Variants in PDE1A observed in about 807,000 individuals in gnomAD.
PDE1A encodes dual specificity calcium/calmodulin-dependent 3',5'-cyclic nucleotide phosphodiesterase 1A.
A neutral mutation model predicts 61.7 loss-of-function variants in PDE1A; 35 were observed. The observed-to-expected ratio is 0.57, with a 90% CI of 0.43 to 0.75. The LOEUF is 0.75. Among genes scored for constraint, PDE1A ranks in the 30% least tolerant of loss-of-function variants. PDE1A has a pLI of 0.00. For missense variants in PDE1A, 597 were observed against 630.6 expected, an observed-to-expected ratio of 0.95 and a Z score of 0.57; for synonymous variants, 232 against 213.2, an observed-to-expected ratio of 1.09 and a Z score of -0.77.
At position 182,341,646 on chromosome 2, in the gene PDE1A, T is replaced by C. The variant is rs548378476; in HGVS notation, c.54-77232A>G. Among the ~76,000 whole-genome samples the C allele has an allele frequency of 2.0e-5, 3 of 152,318 alleles. No individual in the cohort carries two copies. The East Asian group carries it at 5.8e-4, about 29-fold the overall frequency. ...AAGCTCTTACTTATGAAATTTTCTTTGTAACTTCACTGAGTGAGCAATTGA... is the reference window on the plus strand; with the variant it reads ...AAGCTCTTACTTATGAAATTTTCTTCGTAACTTCACTGAGTGAGCAATTGA... On this transcript the variant is annotated intron_variant, in intron 1 of 13. Coordinates refer to ENST00000351439, the Ensembl canonical transcript of PDE1A.
the PDE1A span, among the ~76,000 whole-genome samples, chr2:182,542,889 G>A: frequency 1.3e-5 from 2 of 152,308 alleles, no homozygotes; most frequent in African/African-American, 4.8e-5. Context: ...ATGTCTTCAT[G>A]TCCAAAAGCC....
intron 2 of PDE1A, among the ~76,000 whole-genome samples, chr2:182,515,954 CTG>C (rs201729102): frequency 0.058 from 7,516 of 130,320 alleles, 224 homozygotes; most frequent in Middle Eastern, 0.11. Context: ...GTGTGTGTTT[CTG>C]TGTGTGTGTG....
intron 13 of PDE1A, among the ~76,000 whole-genome samples, chr2:182,154,777 C>T (rs989790603): frequency 2.6e-5 from 4 of 152,114 alleles, no homozygotes; most frequent in Non-Finnish European, 5.9e-5. Flanking sequence ...AGTGTGAGAA[C>T]AGACTACTAC....
intron 3 of PDE1A, among the ~76,000 whole-genome samples, chr2:182,235,639 C>G (rs1689950309): frequency 6.6e-6 from 1 of 152,146 alleles, no homozygotes; most frequent in South Asian, 2.1e-4. Context: ...CCTCCAAGGC[C>G]TGGGAAGAAA....
At chr2:182,348,861 T>C (rs370837402) in intron 1 of PDE1A, among the ~76,000 whole-genome samples, 9 of 151,878 alleles carry the variant, frequency 5.9e-5, no homozygotes, top group African/African-American at 2.2e-4. Flanking sequence ...CTAAAACAGA[T>C]TGAGCTAGAC....
chr2:182,157,915 G>T (rs994960226), intron 13 of PDE1A, among the ~76,000 whole-genome samples: 1 of 152,180 alleles, frequency 6.6e-6, no homozygotes, highest in Non-Finnish European at 1.5e-5. Context: ...TGTTGATTGG[G>T]CCTAAGAATC....
At chr2:182,558,848 G>C in the PDE1A span, among the ~76,000 whole-genome samples, 3 of 152,172 alleles carry the variant, frequency 2.0e-5, no homozygotes, top group Non-Finnish European at 2.9e-5. Flanking sequence ...GTTTGGGAAA[G>C]AAATGTCTGC....
At chr2:182,333,553 C>T (rs2124970330) in intron 1 of PDE1A, among the ~76,000 whole-genome samples, 1 of 152,198 alleles carries the variant, frequency 6.6e-6, no homozygotes, top group Admixed American at 6.5e-5. Flanking sequence ...ACACAATGTA[C>T]CAGGATCTCT....
the PDE1A span, among the ~76,000 whole-genome samples, chr2:182,651,695 T>C: frequency 6.6e-6 from 1 of 152,244 alleles, no homozygotes; most frequent in Admixed American, 6.5e-5. Context: ...ATCTAACATT[T>C]GAGGCTTCTA....
intron 1 of PDE1A, among the ~76,000 whole-genome samples, chr2:182,396,431 T>G (rs1465329857): frequency 6.6e-6 from 1 of 152,184 alleles, no homozygotes; most frequent in Non-Finnish European, 1.5e-5. Flanking sequence ...GGAAGAAGCA[T>G]GATTGGAAAA....
chr2:182,240,229 G>C, exon 3 of PDE1A: 1 of 1,613,062 alleles, frequency 6.2e-7, no homozygotes, highest in African/African-American at 1.3e-5. Context: ...ACCAGTCCCG[G>C]ACTTCAGATG....
chr2:182,235,408 C>G (rs1689932941), intron 3 of PDE1A, among the ~76,000 whole-genome samples: 1 of 152,330 alleles, frequency 6.6e-6, no homozygotes, highest in African/African-American at 2.4e-5. Context: ...TCTCAAAGTA[C>G]TGGAATTACA....
At chr2:182,272,777 T>G (rs1693126710) in intron 1 of PDE1A, among the ~76,000 whole-genome samples, 1 of 152,122 alleles carries the variant, frequency 6.6e-6, no homozygotes, top group African/African-American at 2.4e-5. Flanking sequence ...AGATCAAGCA[T>G]TTACAAAATT....
At chr2:182,335,340 G>C (rs1697725035) in intron 1 of PDE1A, among the ~76,000 whole-genome samples, 1 of 152,098 alleles carries the variant, frequency 6.6e-6, no homozygotes, top group Non-Finnish European at 1.5e-5. Context: ...CAAAGCTGGA[G>C]GCATCACGCT....
intron 1 of PDE1A, among the ~76,000 whole-genome samples, chr2:182,288,895 T>A (rs544812413): frequency 6.6e-6 from 1 of 152,094 alleles, no homozygotes; most frequent in Non-Finnish European, 1.5e-5. Flanking sequence ...GAAAGACTTT[T>A]AAAAATAGTA....
the PDE1A span, among the ~76,000 whole-genome samples, chr2:182,549,501 T>C: frequency 6.6e-6 from 1 of 152,068 alleles, no homozygotes; most frequent in African/African-American, 2.4e-5. Flanking sequence ...AAAGAGTGAA[T>C]TAGGAAATAT....
intron 11 of PDE1A, among the ~76,000 whole-genome samples, chr2:182,187,737 C>CTTTTTTTTTTTTTTTTT (rs1038970569): frequency 8.3e-4 from 55 of 66,378 alleles, no homozygotes; most frequent in East Asian, 1.7e-3. Context: ...TTTTTTTGTT[C>CTTTTTTTTTTTTTTTTT]TTTTTTTTTT....
intron 1 of PDE1A, among the ~76,000 whole-genome samples, chr2:182,389,906 C>T (rs759879213): frequency 1.3e-5 from 2 of 152,138 alleles, no homozygotes; most frequent in African/African-American, 2.4e-5. Context: ...CCTTGAATAT[C>T]GGACTCCAAG....
intron 2 of PDE1A, among the ~76,000 whole-genome samples, chr2:182,446,959 C>T (rs1574676767): frequency 1.3e-5 from 2 of 151,436 alleles, no homozygotes; most frequent in East Asian, 3.9e-4. Flanking sequence ...TATATATAGA[C>T]CACATAGACA....
Sources: gnomAD v4.1 joint callset for allele counts (sites outside exome capture counted in the v4.1 genomes callset) on GRCh38, gnomAD v4.1.1 for gene constraint, MANE v1.5 for transcripts, NCBI Gene and HGNC (gene_info 2026-07-23, HGNC 2026-07-21) for gene names.